The following NDST1 variants were observed in gnomAD, a reference collection of about 807,000 sequenced individuals.
NDST1 encodes the protein bifunctional heparan sulfate N-deacetylase/N-sulfotransferase 1.
In NDST1, 35 loss-of-function variants were observed where a neutral mutation model predicts 92.8. That is an observed-to-expected ratio of 0.38 (90% CI 0.29 to 0.50). NDST1 has a LOEUF of 0.50. Ranked by LOEUF, NDST1 falls within the 20% of genes least tolerant of loss-of-function variation. The pLI is 0.94. For missense variants in NDST1, 822 were observed against 1,182.7 expected, an observed-to-expected ratio of 0.69 and a Z score of 4.47; for synonymous variants, 493 against 500.3, an observed-to-expected ratio of 0.99 and a Z score of 0.19.
intron 11 of NDST1, among the ~76,000 whole-genome samples, chr5:150,546,786 T>C (rs1157701638): frequency 1.3e-5 from 2 of 152,270 alleles, no homozygotes; most frequent in Non-Finnish European, 2.9e-5. Context: ...TGCCACTCTC[T>C]GAGGCTGGTG....
chr5:150,501,722 G>A (rs1213224406), intron 1 of NDST1, among the ~76,000 whole-genome samples: 1 of 152,248 alleles, frequency 6.6e-6, no homozygotes, highest in African/African-American at 2.4e-5. Context: ...TGGAGACCCT[G>A]TTTTGGACGT....
intron 3 of NDST1, among the ~76,000 whole-genome samples, chr5:150,529,738 T>A (rs772331160): frequency 6.6e-5 from 10 of 152,188 alleles, no homozygotes; most frequent in Non-Finnish European, 1.2e-4. Context: ...TTAGCAAGTG[T>A]TAGAAACATA....
chr5:150,532,346 C>T (rs1314264029), intron 3 of NDST1, among the ~76,000 whole-genome samples: 1 of 152,154 alleles, frequency 6.6e-6, no homozygotes, highest in Admixed American at 6.5e-5. Context: ...GAATGTGAAG[C>T]CTTTTCAAGG....
Position 150,540,271 on chromosome 5 carries a change from G to A in NDST1, c.1749+7G>A, listed in dbSNP as rs377220746. On this transcript the variant is annotated splice_region_variant and intron_variant, in intron 8 of 14. Coordinates refer to ENST00000261797, the MANE Select transcript of NDST1 (RefSeq NM_001543.5). ...GAAGGACCCGCTCTGGCAGGTGGGG[G>A]GCTGGGCAGCCTGGGCAGGTTGCTA... is the stretch of plus-strand genomic sequence containing the variant. 3.5e-5 allele frequency: 56 copies of A among 1,597,566 alleles called. No homozygotes were observed. The highest frequency in any genetic ancestry group is 3.4e-4 in the Admixed American group (20 of 59,444).
chr5:150,554,983 A>G lies in NDST1; in HGVS notation c.*1651A>G, dbSNP rs1581418738. 2 of 152,564 alleles carry G rather than the reference A, an allele frequency of 1.3e-5. No homozygotes were observed. The highest frequency in any genetic ancestry group is 4.1e-4 in the South Asian group (2 of 4,828). 9.5% of individuals were successfully genotyped at this position (152,564 alleles called of 1,614,324 possible). A position where few individuals can be genotyped will look rare whatever the true frequency, so the allele number is the denominator to read the frequency against. ...TGGAGAGGCTTGTCTTGTTCAGAAG[A>G]CTCTAGCATCTTGGGGCTGGAAGGT... On this transcript the variant is annotated 3_prime_UTR_variant, in exon 15 of 15. Transcript: ENST00000261797.
At chr5:150,504,008 C>T (rs1334200800), upstream of NDST1, among the ~76,000 whole-genome samples, 3 of 152,172 alleles carry the variant, frequency 2.0e-5, no homozygotes, top group Non-Finnish European at 2.9e-5. Context: ...GGAGTGACCT[C>T]GGTTTCTGGT....
At position 150,540,308 on chromosome 5, in the gene NDST1, C is replaced by T. The variant is rs377539392; in HGVS notation, c.1749+44C>T. 2.9e-4 allele frequency: 451 copies of T among 1,553,988 alleles called. 1 individual carries two copies. The highest frequency in any genetic ancestry group is 3.4e-4 in the Non-Finnish European group (394 of 1,145,044). On this transcript the variant is annotated intron_variant, in intron 8 of 14. Transcript: ENST00000261797. ...TGGGCAGGTTGCTACAGGGATGGAA[C>T]GCCACCACTCACAGGCACACACTCC... is the stretch of plus-strand genomic sequence containing the variant.
rs1372246247 is a variant in NDST1 at position 150,556,918 on chromosome 5, C to T, written c.*3586C>T. The T allele has an allele frequency of 6.6e-6, 1 of 152,642 alleles. No individual in the cohort carries two copies. Among genetic ancestry groups the T allele is most frequent in the Non-Finnish European group, 1.5e-5 (1 of 68,044 alleles). The allele number at this position is 152,642 out of a possible 1,614,324, so 9.5% of individuals were successfully genotyped here. A position where few individuals can be genotyped will look rare whatever the true frequency, so the allele number is the denominator to read the frequency against. ...TGCTGAAAGGTCTTCCCTCAGCTCA[C>T]TTTGAGTTTTTAAATGACATTGTTT... On this transcript the variant is annotated 3_prime_UTR_variant, in exon 15 of 15. Coordinates refer to ENST00000261797, the MANE Select transcript of NDST1 (RefSeq NM_001543.5).
chr5:150,518,189 AC>A (rs141990147), intron 1 of NDST1, among the ~76,000 whole-genome samples: 6,369 of 151,982 alleles, frequency 0.042, 440 homozygotes, highest in Admixed American at 0.17. Context: ...CCCAACCCTT[AC>A]TTTTTCTTCT....
intron 6 of NDST1, among the ~76,000 whole-genome samples, 165 bp from the exon 7 acceptor site, chr5:150,539,063 G>C (rs1270030899): frequency 1.3e-5 from 2 of 152,198 alleles, no homozygotes; most frequent in African/African-American, 4.8e-5. Context: ...GTAGTTCACT[G>C]GGGGGAACGC....
intron 6 of NDST1, 69 bp downstream of exon 6, chr5:150,535,954 G>T: frequency 6.6e-7 from 1 of 1,519,302 alleles, no homozygotes; most frequent in Non-Finnish European, 9.0e-7. Flanking sequence ...GTGTGCATAC[G>T]CTGTCCTGGT....
intron 6 of NDST1, 23 bp from the exon 7 acceptor site, chr5:150,539,205 C>T: frequency 6.3e-7 from 1 of 1,594,910 alleles, no homozygotes; most frequent in Non-Finnish European, 8.6e-7. Flanking sequence ...CACCATAGCT[C>T]CTCTCCCCCA....
intron 11 of NDST1, among the ~76,000 whole-genome samples, chr5:150,546,470 G>A (rs1430607812): frequency 6.6e-6 from 1 of 152,176 alleles, no homozygotes; most frequent in Non-Finnish European, 1.5e-5. Flanking sequence ...CAGAAGTGGC[G>A]CCCCAGCAGA....
In NDST1 at chr5:150,548,381, C is replaced by G. The variant is rs1214164781; in HGVS notation, c.2309C>G (p.Ala770Gly). ...GAGCGCTGGCTCAGTGCCTATCACG[C>G]CAACCAGGTAGCTGCTGTCCCTGAC... ...HIERWLSAYH[A>G]NQILVLDGKL... is the part of the protein sequence containing the mutation. The change falls in exon 12 of 15, where the codon GCC (alanine) becomes GGC (glycine). Residue 770 changes from alanine to glycine, a missense_variant. Transcript: ENST00000261797. 1 of 1,611,612 alleles carries G rather than the reference C, an allele frequency of 6.2e-7. No homozygotes were observed. Among genetic ancestry groups the G allele is most frequent in the South Asian group, 1.1e-5 (1 of 91,080 alleles).
In NDST1 at chr5:150,525,137, T is replaced by C. The variant is rs112824827; in HGVS notation, c.514-2667T>C. Among the ~76,000 whole-genome samples, 621 of 152,138 alleles carry C rather than the reference T, an allele frequency of 4.1e-3. 4 individuals carry two copies. Among genetic ancestry groups the C allele is most frequent in the African/African-American group, 0.014 (581 of 41,524 alleles). ...GAAGACTTGGTGTCTCCGGAGTGGGTACTCAGTGGTGAGGAGCAAGAGGGA... is the reference window on the plus strand; with the variant it reads ...GAAGACTTGGTGTCTCCGGAGTGGGCACTCAGTGGTGAGGAGCAAGAGGGA... On this transcript the variant is annotated intron_variant, in intron 2 of 14. Coordinates refer to ENST00000261797, the MANE Select transcript of NDST1 (RefSeq NM_001543.5).
rs1221316998 is a variant in NDST1, at chr5:150,556,918, CTT to C, written c.*3588_*3589del. Reference sequence around the variant, plus strand: ...TGCTGAAAGGTCTTCCCTCAGCTCACTTTGAGTTTTTAAATGACATTGTTTTT... The same window carrying C: ...TGCTGAAAGGTCTTCCCTCAGCTCACTGAGTTTTTAAATGACATTGTTTTT... On this transcript the variant is annotated 3_prime_UTR_variant, in exon 15 of 15. Coordinates refer to ENST00000261797, the MANE Select transcript of NDST1 (RefSeq NM_001543.5). 24 of 152,642 alleles carry C rather than the reference CTT, an allele frequency of 1.6e-4. No individual in the cohort carries two copies. The highest frequency in any genetic ancestry group is 5.8e-4 in the African/African-American group (24 of 41,430). The allele number at this position is 152,642 out of a possible 1,614,324, so 9.5% of individuals were successfully genotyped here. A position where few individuals can be genotyped will look rare whatever the true frequency, so the allele number is the denominator to read the frequency against.
intron 13 of NDST1, 143 bp from the exon 14 acceptor site, chr5:150,551,610 C>A: frequency 9.6e-7 from 1 of 1,037,318 alleles, no homozygotes; most frequent in Non-Finnish European, 1.4e-6. Context: ...CCACAGATGG[C>A]ACATAGCTTC....
At chr5:150,535,929 C>T (rs781397521) in intron 6 of NDST1, 44 bp downstream of exon 6, 5 of 1,586,302 alleles carry the variant, frequency 3.2e-6, no homozygotes, top group Non-Finnish European at 4.3e-6. Flanking sequence ...GAATGGAGAG[C>T]ACAGTCTGTC....
At chr5:150,539,849 C>G (rs746751235) in intron 7 of NDST1, 15 of 923,702 alleles carry the variant, frequency 1.6e-5, no homozygotes, top group Non-Finnish European at 1.9e-5. Context: ...AAATAGCTCC[C>G]ACATTGGGTC....
Sources: allele counts gnomAD v4.1 joint callset (sites outside exome capture counted in the v4.1 genomes callset), GRCh38; gene constraint gnomAD v4.1.1; transcripts MANE v1.5; gene names NCBI Gene and HGNC (gene_info 2026-07-23, HGNC 2026-07-21).